LTBP1: variants seen among roughly 807,000 people sequenced by gnomAD.
LTBP1 encodes the protein latent-transforming growth factor beta-binding protein 1.
A neutral mutation model predicts 207.6 loss-of-function variants in LTBP1; 129 were observed. The observed-to-expected ratio is 0.62, with a 90% CI of 0.54 to 0.72. The LOEUF is 0.72. Ranked by LOEUF, LTBP1 falls within the 30% of genes least tolerant of loss-of-function variation. LTBP1 has a pLI of 0.00. For synonymous variants in LTBP1, 963 were observed against 833.7 expected (o/e 1.16, Z -2.67); for missense variants, 2,281 against 2,217.2 (o/e 1.03, Z -0.58).
At chr2:33,002,841 C>T (rs1157016291) in intron 2 of LTBP1, among the ~76,000 whole-genome samples, 1 of 152,026 alleles carries the variant, frequency 6.6e-6, no homozygotes, top group Non-Finnish European at 1.5e-5. Flanking sequence ...CTATGCCTGG[C>T]TAATTTTTGT....
At chr2:33,140,963 C>G (rs1041004139) in intron 5 of LTBP1, among the ~76,000 whole-genome samples, 3 of 152,220 alleles carry the variant, frequency 2.0e-5, no homozygotes, top group African/African-American at 7.2e-5. Flanking sequence ...CACGCCCGGT[C>G]TTTTCCTTTT....
At chr2:33,152,476 A>T (rs1442165058) in intron 5 of LTBP1, among the ~76,000 whole-genome samples, 1 of 152,220 alleles carries the variant, frequency 6.6e-6, no homozygotes, top group Non-Finnish European at 1.5e-5. Flanking sequence ...TGGGAATGCA[A>T]ACTAGTATAG....
At chr2:33,011,347 C>T (rs1206452395) in intron 2 of LTBP1, among the ~76,000 whole-genome samples, 2 of 152,092 alleles carry the variant, frequency 1.3e-5, no homozygotes, top group Admixed American at 6.5e-5. Flanking sequence ...TTTGTTTCCC[C>T]AAAATTCTTC....
chr2:33,171,806 C>G (rs1355867536), intron 5 of LTBP1, among the ~76,000 whole-genome samples: 1 of 152,160 alleles, frequency 6.6e-6, no homozygotes, highest in Non-Finnish European at 1.5e-5. Flanking sequence ...AACAGCGGAT[C>G]TCTCGGCAGA....
At chr2:33,141,284 C>G (rs766128375) in intron 5 of LTBP1, among the ~76,000 whole-genome samples, 11 of 152,070 alleles carry the variant, frequency 7.2e-5, no homozygotes, top group Non-Finnish European at 1.3e-4. Context: ...CAGGGGTCAC[C>G]CGGGTGGAAT....
intron 5 of LTBP1, among the ~76,000 whole-genome samples, chr2:33,143,002 TCCACGG>T (rs2082752857): frequency 6.6e-6 from 1 of 152,208 alleles, no homozygotes; most frequent in African/African-American, 2.4e-5. Context: ...GCTGCCTGGC[TCCACGG>T]CATTCACTTT....
At chr2:33,023,919 A>G (rs943450940) in intron 3 of LTBP1, among the ~76,000 whole-genome samples, 3 of 152,204 alleles carry the variant, frequency 2.0e-5, no homozygotes, top group African/African-American at 7.2e-5. Flanking sequence ...CAGATTGCCT[A>G]TTTTAGGATA....
chr2:33,138,292 A>G (rs11685178), intron 5 of LTBP1, among the ~76,000 whole-genome samples: 17,927 of 152,120 alleles, frequency 0.12, 1,410 homozygotes, highest in Non-Finnish European at 0.18. Context: ...GCTTAATGCA[A>G]CTCTAAAAGT....
At chr2:33,195,201 T>C (rs1365376071) in intron 7 of LTBP1, among the ~76,000 whole-genome samples, 2 of 152,094 alleles carry the variant, frequency 1.3e-5, no homozygotes, top group Non-Finnish European at 2.9e-5. Context: ...GATCAAGGAG[T>C]CATTTGGACT....
intron 2 of LTBP1, among the ~76,000 whole-genome samples, chr2:32,974,898 G>C (rs566207237): frequency 6.6e-6 from 1 of 152,300 alleles, no homozygotes; most frequent in East Asian, 1.9e-4. Context: ...ATACTGACGT[G>C]TGGATTTGAT....
intron 2 of LTBP1, among the ~76,000 whole-genome samples, chr2:32,953,399 A>G (rs1356124633): frequency 1.3e-5 from 2 of 152,172 alleles, no homozygotes; most frequent in African/African-American, 4.8e-5. Context: ...TGCTTTGCCA[A>G]TAGATCTGCA....
rs1429740037 is a variant in LTBP1 at position 33,385,363 on chromosome 2, C to T, written c.4712-3821C>T. ...GATCACTGCTTTTACGTTTTGTTAA[C>T]ATTAAAATGTAAATCACTCACTCAT... On this transcript the variant is annotated intron_variant, in intron 31 of 33. Coordinates refer to ENST00000404816, the MANE Select transcript of LTBP1 (RefSeq NM_206943.4). Among the ~76,000 whole-genome samples the T allele has an allele frequency of 2.0e-5, 3 of 152,220 alleles. No homozygotes were observed. The East Asian group carries it at 5.8e-4, about 29-fold the overall frequency.
intron 11 of LTBP1, among the ~76,000 whole-genome samples, chr2:33,255,220 T>G (rs2092817073): frequency 2.0e-5 from 3 of 151,574 alleles, no homozygotes; most frequent in African/African-American, 7.3e-5. Context: ...GAATGATGGT[T>G]TCCAATTTCA....
chr2:33,133,535 CAG>C (rs941269492), intron 4 of LTBP1, among the ~76,000 whole-genome samples: 1 of 152,178 alleles, frequency 6.6e-6, no homozygotes, highest in Non-Finnish European at 1.5e-5. Flanking sequence ...GCAATCAAAA[CAG>C]TGTGTGTCTT....
At chr2:33,187,909 T>A (rs2087377515) in intron 6 of LTBP1, among the ~76,000 whole-genome samples, 1 of 152,122 alleles carries the variant, frequency 6.6e-6, no homozygotes, top group Non-Finnish European at 1.5e-5. Flanking sequence ...TATGAGAAAT[T>A]CAAAAATAAT....
chr2:33,166,067 GTTT>G (rs143905437), intron 5 of LTBP1, among the ~76,000 whole-genome samples: 8 of 140,842 alleles, frequency 5.7e-5, no homozygotes, highest in African/African-American at 7.8e-5. Context: ...AGTAATGTAT[GTTT>G]TTTTTTTTTT....
rs2076073818 is a variant in LTBP1 at position 33,039,318 on chromosome 2, C to G, written c.863+18112C>G. 2.0e-5 allele frequency among the ~76,000 whole-genome samples: 3 copies of G among 151,582 alleles called. No individual in the cohort carries two copies. In the South Asian group the frequency reaches 6.2e-4, roughly 32 times the overall value. On this transcript the variant is annotated intron_variant, in intron 3 of 33. Coordinates refer to ENST00000404816, the MANE Select transcript of LTBP1 (RefSeq NM_206943.4). ...ACAGGAGAAAAAAAAAACACCAAAA[C>G]CCATAATTGTTCTTTCGGAGAGAGA...
intron 4 of LTBP1, among the ~76,000 whole-genome samples, chr2:33,132,801 C>T (rs2081893108): frequency 6.6e-6 from 1 of 152,180 alleles, no homozygotes; most frequent in Non-Finnish European, 1.5e-5. Flanking sequence ...GTGAGATGAC[C>T]AACCCAGCTG....
At chr2:33,167,727 G>T (rs1353864033) in intron 5 of LTBP1, among the ~76,000 whole-genome samples, 1 of 152,198 alleles carries the variant, frequency 6.6e-6, no homozygotes. Context: ...GTGTATGGAG[G>T]AATGTGCAGT....
Sources: gnomAD v4.1 joint callset for allele counts (sites outside exome capture counted in the v4.1 genomes callset) on GRCh38, gnomAD v4.1.1 for gene constraint, MANE v1.5 for transcripts, NCBI Gene and HGNC (gene_info 2026-07-23, HGNC 2026-07-21) for gene names.